Variants in ZNF683 observed in about 807,000 individuals in gnomAD.
ZNF683 encodes zinc finger protein 683.
A neutral mutation model predicts 31.4 loss-of-function variants in ZNF683; 20 were observed. The observed-to-expected ratio is 0.64, with a 90% CI of 0.45 to 0.93. The LOEUF is 0.93. Among genes scored for constraint, ZNF683 ranks in the 40% least tolerant of loss-of-function variants. The pLI is 0.00. For synonymous variants in ZNF683, 264 were observed against 267.6 expected (o/e 0.99, Z 0.13); for missense variants, 621 against 637.2 (o/e 0.97, Z 0.27).
intron 1 of ZNF683, 191 bp downstream of exon 1, chr1:26,372,478 G>A (rs1253815531): frequency 1.5e-6 from 2 of 1,304,152 alleles, no homozygotes; most frequent in Non-Finnish European, 2.0e-6. Flanking sequence ...ACTTCATGCA[G>A]GCATACATGG....
chr1:26,362,968 G>C (rs1388682723), intron 5 of ZNF683, 58 bp downstream of exon 5: 1 of 1,537,046 alleles, frequency 6.5e-7, no homozygotes, highest in African/African-American at 1.4e-5. Flanking sequence ...AGCCCTCCAA[G>C]GGCCTAAAAC....
chr1:26,372,402 C>T, intron 1 of ZNF683: 2 of 1,122,878 alleles, frequency 1.8e-6, no homozygotes, highest in Non-Finnish European at 2.4e-6. Context: ...TTGAGGGAGG[C>T]AAAAGGTACC....
chr1:26,371,286 G>T (rs752939488), intron 1 of ZNF683, among the ~76,000 whole-genome samples: 3 of 152,068 alleles, frequency 2.0e-5, no homozygotes, highest in Non-Finnish European at 4.4e-5. Flanking sequence ...TAATCTAGAG[G>T]CCCCAAGAGG....
At chr1:26,368,337 AG>A in intron 2 of ZNF683, 120 bp downstream of exon 2, 2 of 1,222,202 alleles carry the variant, frequency 1.6e-6, no homozygotes, top group Non-Finnish European at 2.2e-6. Context: ...TGCCTGGGAT[AG>A]GGGGTGCTCA....
intron 1 of ZNF683, chr1:26,370,515 C>T: frequency 2.5e-6 from 1 of 399,386 alleles, no homozygotes; most frequent in Non-Finnish European, 3.4e-6. Context: ...CTCTTTGAAT[C>T]CCAAATGCCC....
rs1380427862 is a variant in ZNF683, at chr1:26,363,049, C to T, written c.1120G>A (p.Gly374Arg). Residue 374 changes from glycine to arginine, a missense_variant, in exon 5 of 6, where the codon GGG becomes AGG. Transcript: ENST00000349618. ...HLQKHHLVHT[G>R]ERPHKCSVCH... ...ACCGAGCACTTGTGGGGCCGCTCCCCAGTGTGCACCAGGTGGTGCTTCTGC... is the reference window on the plus strand; with the variant it reads ...ACCGAGCACTTGTGGGGCCGCTCCCTAGTGTGCACCAGGTGGTGCTTCTGC... 4 of 1,611,740 alleles carry T rather than the reference C, an allele frequency of 2.5e-6. No homozygotes were observed. The highest frequency in any genetic ancestry group is 1.7e-4 in the Middle Eastern group (1 of 6,058).
intron 4 of ZNF683, among the ~76,000 whole-genome samples, chr1:26,363,920 T>TG (rs2074450453): frequency 6.6e-6 from 1 of 152,154 alleles, no homozygotes; most frequent in African/African-American, 2.4e-5. Flanking sequence ...ATAACCACAA[T>TG]GTGCCTTCAA....
intron 3 of ZNF683, among the ~76,000 whole-genome samples, chr1:26,366,717 G>A (rs1413488979): frequency 6.6e-6 from 1 of 152,038 alleles, no homozygotes; most frequent in Non-Finnish European, 1.5e-5. Flanking sequence ...GTGCAGTGGT[G>A]CCATCTCGGC....
chr1:26,368,224 C>A lies in ZNF683; in HGVS notation c.114+234G>T, dbSNP rs543782703. ...CAAGGCCATGGTCATAGCAGCCAAGCCTACTGCACGAGGCTTCCGCTTCTT... is the reference window on the plus strand; with the variant it reads ...CAAGGCCATGGTCATAGCAGCCAAGACTACTGCACGAGGCTTCCGCTTCTT... On this transcript the variant is annotated intron_variant, in intron 2 of 5. Transcript: ENST00000349618. Among the ~76,000 whole-genome samples, 15 of 152,362 alleles carry A rather than the reference C, an allele frequency of 9.8e-5. No homozygotes were observed. In the East Asian group the frequency reaches 2.5e-3, roughly 25 times the overall value.
chr1:26,367,719 G>C lies in ZNF683; in HGVS notation c.193C>G (p.Pro65Ala), dbSNP rs1404458896. ...PSCASWLCPLPLAPGRSALLA... is the reference protein window; with the variant it reads ...PSCASWLCPLALAPGRSALLA... ...AGTGCAGACCTGCCCGGTGCCAGGG[G>C]CAAGGGACACAGCCAGCTGGCACAG... The change falls in exon 3 of 6, where the codon CCC becomes GCC. Residue 65 changes from proline to alanine, a missense_variant. Physicochemically the swap from Pro to Ala is conservative, Grantham distance 27. Transcript: ENST00000349618. 3 of 1,610,706 alleles carry C rather than the reference G, an allele frequency of 1.9e-6. No individual in the cohort carries two copies. The highest frequency in any genetic ancestry group is 2.5e-6 in the Non-Finnish European group (3 of 1,178,234).
At chr1:26,372,478 G>C in intron 1 of ZNF683, 191 bp downstream of exon 1, 1 of 1,304,270 alleles carries the variant, frequency 7.7e-7, no homozygotes, top group Non-Finnish European at 1.0e-6. Flanking sequence ...ACTTCATGCA[G>C]GCATACATGG....
At chr1:26,370,135 C>T (rs7514477) in intron 1 of ZNF683, among the ~76,000 whole-genome samples, 59,740 of 151,752 alleles carry the variant, frequency 0.39, 13,206 homozygotes, top group East Asian at 0.62. Context: ...TTCCAGATTC[C>T]TCAGGGCTAC....
Position 26,367,789 on chromosome 1 carries a change from TGAG to T in ZNF683, c.120_122del (p.Phe40_Ser41delinsLeu). The T allele has an allele frequency of 1.9e-6, 3 of 1,586,214 alleles. No individual in the cohort carries two copies. The highest frequency in any genetic ancestry group is 1.7e-6 in the Non-Finnish European group (2 of 1,163,850). On this transcript the variant is annotated inframe_deletion, in exon 3 of 6. Transcript: ENST00000349618. The stretch of plus-strand genomic sequence containing the variant: ...CCATGTCTGGAAGTGGTCTGCAGGC[TGAG>T]AAGACCTGGAGGGCAGGGGCAAGGG...
chr1:26,370,609 T>G (rs762128292), intron 1 of ZNF683: 29 of 974,402 alleles, frequency 3.0e-5, no homozygotes, highest in Non-Finnish European at 3.5e-5. Context: ...CTCCCAACGC[T>G]GCTTCAGGTC....
intron 1 of ZNF683, among the ~76,000 whole-genome samples, chr1:26,370,907 T>C (rs61776528): frequency 0.13 from 19,136 of 152,180 alleles, 1,942 homozygotes; most frequent in East Asian, 0.55. Context: ...AACCTGCTGA[T>C]GTGGATTGCA....
chr1:26,366,185 A>AAAAGAAAGAAAG (rs374604617), intron 3 of ZNF683, among the ~76,000 whole-genome samples: 1 of 151,880 alleles, frequency 6.6e-6, no homozygotes, highest in African/African-American at 2.4e-5. Flanking sequence ...TGTTTCAAAA[A>AAAAGAAAGAAAG]AAAGAAAGAA....
intron 1 of ZNF683, chr1:26,370,615 A>G: frequency 1.0e-6 from 1 of 975,510 alleles, no homozygotes; most frequent in Non-Finnish European, 1.2e-6. Flanking sequence ...ACGCTGCTTC[A>G]GGTCTCAAAG....
At chr1:26,369,555 C>T (rs2074615038) in intron 1 of ZNF683, among the ~76,000 whole-genome samples, 1 of 152,130 alleles carries the variant, frequency 6.6e-6, no homozygotes, top group Non-Finnish European at 1.5e-5. Flanking sequence ...GTAATCCCAG[C>T]TACTCAGGAG....
intron 1 of ZNF683, among the ~76,000 whole-genome samples, chr1:26,371,005 G>A (rs1034904401): frequency 5.3e-5 from 8 of 152,198 alleles, no homozygotes; most frequent in Admixed American, 2.6e-4. Flanking sequence ...ATGGCTGGAC[G>A]GGAGGACAGA....
Sources: gnomAD v4.1 joint callset for allele counts (sites outside exome capture counted in the v4.1 genomes callset) on GRCh38, gnomAD v4.1.1 for gene constraint, MANE v1.5 for transcripts, NCBI Gene and HGNC (gene_info 2026-07-23, HGNC 2026-07-21) for gene names.